VWA8: variants seen among roughly 807,000 people sequenced by gnomAD.
VWA8 encodes von Willebrand factor A domain containing 8.
In VWA8, 221 loss-of-function variants were observed where a neutral mutation model predicts 241.5. The observed-to-expected ratio is 0.91, with a 90% CI of 0.82 to 1.02. The LOEUF (loss-of-function observed/expected upper bound fraction) is 1.02. VWA8 is among the 50% of genes least tolerant of loss of function. The probability of loss-of-function intolerance (pLI) is 0.00; values close to 1 mark genes in which losing one functional copy is unlikely to be tolerated. For missense variants in VWA8, 2,322 were observed against 2,328.7 expected, an observed-to-expected ratio of 1.00 and a Z score of 0.06; for synonymous variants, 852 against 827.1, an observed-to-expected ratio of 1.03 and a Z score of -0.52.
At chr13:41,649,392 A>G (rs1327071783) in intron 37 of VWA8, among the ~76,000 whole-genome samples, 1 of 152,186 alleles carries the variant, frequency 6.6e-6, no homozygotes, top group African/African-American at 2.4e-5. Context: ...ACTAGTAATT[A>G]TTTAATGACA....
intron 12 of VWA8, among the ~76,000 whole-genome samples, chr13:41,856,514 T>C (rs1408233784): frequency 6.6e-6 from 1 of 152,174 alleles, no homozygotes; most frequent in Non-Finnish European, 1.5e-5. Flanking sequence ...CAGCCATAGA[T>C]GGTTTTTCTT....
intron 38 of VWA8, 57 bp from the exon 39 acceptor site, chr13:41,611,789 A>G (rs1392766689): frequency 5.6e-6 from 9 of 1,602,820 alleles, no homozygotes; most frequent in African/African-American, 1.3e-5. Flanking sequence ...ACAGAACAAA[A>G]GTTGGGTCAT....
rs572202613 is a variant in VWA8, at chr13:41,768,901, G to A, written c.2350-7697C>T. 2.0e-3 allele frequency among the ~76,000 whole-genome samples: 262 copies of A among 134,022 alleles called. 1 individual carries two copies. Among genetic ancestry groups the A allele is most frequent in the South Asian group, 0.013 (55 of 4,122 alleles). 87.9% of individuals were successfully genotyped at this position (134,022 alleles called of 152,430 possible). The stretch of plus-strand genomic sequence containing the variant: ...TAGAATAAATCAACTATAAAACAAT[G>A]CCTTTTTTTTTTTTTTTTTTGAGAC... On this transcript the variant is annotated intron_variant, in intron 20 of 44. Coordinates refer to ENST00000379310, the MANE Select transcript of VWA8 (RefSeq NM_015058.2).
chr13:41,922,175 A>C (rs926746784), intron 2 of VWA8, among the ~76,000 whole-genome samples: 1 of 152,212 alleles, frequency 6.6e-6, no homozygotes, highest in Non-Finnish European at 1.5e-5. Flanking sequence ...CAAAAACAAG[A>C]AATGGGGAAA....
intron 12 of VWA8, among the ~76,000 whole-genome samples, chr13:41,853,007 T>C (rs926541350): frequency 1.6e-4 from 25 of 152,208 alleles, no homozygotes; most frequent in African/African-American, 5.8e-4. Context: ...TTGGTAGAGA[T>C]TGATTGCATT....
At chr13:41,761,551 T>C (rs977582320) in intron 20 of VWA8, among the ~76,000 whole-genome samples, 2 of 152,092 alleles carry the variant, frequency 1.3e-5, no homozygotes, top group Non-Finnish European at 2.9e-5. Flanking sequence ...AAGAATGTCA[T>C]CAAAGGTGAT....
In VWA8 at chr13:41,744,185, C is replaced by T. The variant is rs1368229316; in HGVS notation, c.2427-12030G>A. The stretch of plus-strand genomic sequence containing the variant: ...GGCTGAGGCCAGCCTTCAGCTAAAC[C>T]ACCTCTTTTCACTGGCCTTATCCTG... On this transcript the variant is annotated intron_variant, in intron 21 of 44. Coordinates refer to ENST00000379310, the MANE Select transcript of VWA8 (RefSeq NM_015058.2). Among the ~76,000 whole-genome samples, 6 of 152,324 alleles carry T rather than the reference C, an allele frequency of 3.9e-5. No individual in the cohort carries two copies. In the East Asian group the frequency reaches 1.2e-3, roughly 29 times the overall value.
At chr13:41,761,226 T>A (rs750342519) in intron 20 of VWA8, 22 bp from the exon 21 acceptor site, 1 of 1,605,562 alleles carries the variant, frequency 6.2e-7, no homozygotes, top group Admixed American at 1.7e-5. Flanking sequence ...CAGAAAACAT[T>A]AAACAAAAAG....
intron 2 of VWA8, among the ~76,000 whole-genome samples, chr13:41,927,511 T>C (rs891862335): frequency 6.6e-6 from 1 of 152,106 alleles, no homozygotes; most frequent in African/African-American, 2.4e-5. Context: ...TTTTTATTCC[T>C]TGTTACCAAA....
At chr13:41,707,019 C>T (rs1025506170) in intron 26 of VWA8, among the ~76,000 whole-genome samples, 3 of 152,008 alleles carry the variant, frequency 2.0e-5, no homozygotes, top group Non-Finnish European at 2.9e-5. Flanking sequence ...TTCTTAATCC[C>T]TTGTGGAAAT....
In VWA8 at chr13:41,751,033, T is replaced by A. The variant is rs540871745; in HGVS notation, c.2426+10095A>T. On this transcript the variant is annotated intron_variant, in intron 21 of 44. Transcript: ENST00000379310. ...AGCCTCAATTGCAAGACAGAGACAG[T>A]AATGGTATTGATCTCATAGAGCTGT... is the stretch of plus-strand genomic sequence containing the variant. 2.6e-5 allele frequency among the ~76,000 whole-genome samples: 4 copies of A among 152,244 alleles called. No homozygotes were observed. The East Asian group carries it at 7.7e-4, about 29-fold the overall frequency.
chr13:41,738,712 G>C (rs1195549000), intron 21 of VWA8, among the ~76,000 whole-genome samples: 1 of 152,060 alleles, frequency 6.6e-6, no homozygotes, highest in Non-Finnish European at 1.5e-5. Context: ...TAATTTCTTT[G>C]CAGTAACATC....
At chr13:41,748,074 C>G (rs1336467172) in intron 21 of VWA8, among the ~76,000 whole-genome samples, 3 of 152,146 alleles carry the variant, frequency 2.0e-5, no homozygotes, top group African/African-American at 7.2e-5. Context: ...TTTGTTGTGT[C>G]TCTGCCAGGC....
intron 2 of VWA8, among the ~76,000 whole-genome samples, chr13:41,940,642 G>A (rs1877555567): frequency 6.6e-6 from 1 of 152,176 alleles, no homozygotes; most frequent in African/African-American, 2.4e-5. Flanking sequence ...CAATTTATCT[G>A]TCTAATCAAT....
chr13:41,887,866 T>G (rs1874623690), intron 5 of VWA8, among the ~76,000 whole-genome samples: 1 of 152,248 alleles, frequency 6.6e-6, no homozygotes, highest in Non-Finnish European at 1.5e-5. Flanking sequence ...CTCATTTAAC[T>G]TTCACCAGAA....
chr13:41,874,281 G>A (rs1318220694), intron 9 of VWA8, among the ~76,000 whole-genome samples: 1 of 150,530 alleles, frequency 6.6e-6, no homozygotes, highest in East Asian at 1.9e-4. Context: ...GCACAAGACA[G>A]GGATGCCCTC....
intron 17 of VWA8, among the ~76,000 whole-genome samples, chr13:41,800,793 CA>C (rs34852903): frequency 4.2e-3 from 337 of 81,066 alleles, no homozygotes; most frequent in African/African-American, 0.01. Flanking sequence ...ACTCCATCTC[CA>C]AAAAAAAAAA....
At chr13:41,592,031 G>A (rs1217832696) in intron 40 of VWA8, among the ~76,000 whole-genome samples, 3 of 150,656 alleles carry the variant, frequency 2.0e-5, no homozygotes, top group African/African-American at 2.4e-5. Context: ...GTTTATTGCG[G>A]CACTATTCAC....
At chr13:41,898,923 AAGCGCCGCGCGC>A (rs1432116662) in intron 4 of VWA8, among the ~76,000 whole-genome samples, 1 of 152,140 alleles carries the variant, frequency 6.6e-6, no homozygotes, top group Non-Finnish European at 1.5e-5. Flanking sequence ...GCTGGCCCGC[AAGCGCCGCGCGC>A]AGCCCCGATT....
Sources: allele counts gnomAD v4.1 joint callset (sites outside exome capture counted in the v4.1 genomes callset), GRCh38; gene constraint gnomAD v4.1.1; transcripts MANE v1.5; gene names NCBI Gene and HGNC (gene_info 2026-07-23, HGNC 2026-07-21).